Variants in UBLCP1 observed in about 807,000 individuals in gnomAD.
UBLCP1 encodes the protein ubiquitin like domain containing CTD phosphatase 1.
A neutral mutation model predicts 42.4 loss-of-function variants in UBLCP1; 28 were observed. The observed-to-expected ratio is 0.66, with a 90% CI of 0.49 to 0.90. The LOEUF is 0.90. Ranked by LOEUF, UBLCP1 falls within the 40% of genes least tolerant of loss-of-function variation. The probability of loss-of-function intolerance (pLI) is 0.00; values close to 1 mark genes in which losing one functional copy is unlikely to be tolerated. For synonymous variants in UBLCP1, 122 were observed against 120.8 expected, an observed-to-expected ratio of 1.01 and a Z score of -0.07; for missense variants, 279 against 374.5, an observed-to-expected ratio of 0.75 and a Z score of 2.10.
rs189705373 is a variant in UBLCP1 at position 159,285,538 on chromosome 5, A to T, written c.*607A>T. 6.6e-6 allele frequency: 1 copy of T among 151,654 alleles called. No homozygotes were observed. Among genetic ancestry groups the T allele is most frequent in the East Asian group, 1.9e-4 (1 of 5,344 alleles). The allele number at this position is 151,654 out of a possible 1,614,324, so 9.4% of individuals were successfully genotyped here. On this transcript the variant is annotated 3_prime_UTR_variant, in exon 11 of 11. Coordinates refer to ENST00000296786, the MANE Select transcript of UBLCP1 (RefSeq NM_145049.5). ...ACATTTCTAAATTCTGAGCGGTCTC[A>T]GTTAGGCCTGTATGTGTGTACATGT...
At position 159,270,391 on chromosome 5, in the gene UBLCP1, A is replaced by C. The variant is rs879528412; in HGVS notation, c.278A>C (p.Asp93Ala). Residue 93 changes from aspartate to alanine, a missense_variant, in exon 4 of 11, where the codon GAT becomes GCT. Asp to Ala is a moderately radical substitution (Grantham distance 126). Coordinates refer to ENST00000296786, the MANE Select transcript of UBLCP1 (RefSeq NM_145049.5). ...GTCTTAGGTCCACCCCCTGACAATG[A>C]TGATGTTGTTAATGACTTTGATATT... is the stretch of plus-strand genomic sequence containing the variant. ...EDVLGPPPDN[D>A]DVVNDFDIED... 4 of 1,613,510 alleles carry C rather than the reference A, an allele frequency of 2.5e-6. No homozygotes were observed. The highest frequency in any genetic ancestry group is 1.7e-5 in the Admixed American group (1 of 60,002).
intron 9 of UBLCP1, among the ~76,000 whole-genome samples, chr5:159,279,335 G>T (rs1036254105): frequency 2.0e-5 from 3 of 152,204 alleles, no homozygotes; most frequent in Non-Finnish European, 2.9e-5. Context: ...TATAAAATTG[G>T]TAAGAGTGAA....
chr5:159,272,129 G>C lies in UBLCP1; in HGVS notation c.547+8G>C. The C allele has an allele frequency of 2.5e-6, 4 of 1,605,546 alleles. No homozygotes were observed. The highest frequency in any genetic ancestry group is 3.4e-6 in the Non-Finnish European group (4 of 1,173,942). The stretch of plus-strand genomic sequence containing the variant: ...ATGACATTGTTATTTGGTGTAAGCT[G>C]TATTTTTTTGTTTAGATTTCCGTGG... On this transcript the variant is annotated splice_region_variant and intron_variant, in intron 6 of 10. Coordinates refer to ENST00000296786, the MANE Select transcript of UBLCP1 (RefSeq NM_145049.5).
intron 8 of UBLCP1, among the ~76,000 whole-genome samples, chr5:159,277,635 T>C (rs1274565763): frequency 3.3e-5 from 5 of 152,208 alleles, no homozygotes; most frequent in African/African-American, 1.2e-4. Context: ...TAAGAAATTA[T>C]TTATTTGAAG....
At chr5:159,277,593 A>T (rs931717271) in intron 8 of UBLCP1, among the ~76,000 whole-genome samples, 1 of 152,188 alleles carries the variant, frequency 6.6e-6, no homozygotes, top group Non-Finnish European at 1.5e-5. Flanking sequence ...TCTTACAGAG[A>T]CTTTACACAA....
Position 159,283,231 on chromosome 5 carries a change from C to T in UBLCP1, c.821C>T (p.Ala274Val), listed in dbSNP as rs766001563. The change falls in exon 10 of 11, where the codon GCG (alanine) becomes GTG (valine). Residue 274 changes from alanine (A) to valine (V), a missense_variant. Physicochemically the swap from Ala to Val is moderately conservative, Grantham distance 64. Transcript: ENST00000296786. ...TAATAGATAAGGCCTTTTATGAAAG[C>T]GCACCTAAATCGTGATAAAGACAAA... ...NGLKIRPFMKAHLNRDKDKEL... is the reference protein window; with the variant it reads ...NGLKIRPFMKVHLNRDKDKEL... 2.0e-5 allele frequency: 32 copies of T among 1,603,512 alleles called. No homozygotes were observed. Among genetic ancestry groups the T allele is most frequent in the Admixed American group, 1.4e-4 (8 of 58,160 alleles).
intron 6 of UBLCP1, 91 bp downstream of exon 6, chr5:159,272,212 G>GA: frequency 4.0e-6 from 4 of 996,210 alleles, no homozygotes; most frequent in Non-Finnish European, 6.0e-6. Flanking sequence ...AATGACCTGT[G>GA]TTTAAATATG....
chr5:159,270,542 T>G lies in UBLCP1; in HGVS notation c.347T>G (p.Leu116Arg). ...VEVENREENL[L>R]KISRRVKEYK... is the part of the protein sequence containing the mutation. ...TTTTCCATTAGGGAAGAAAACCTAC[T>G]GAAAATTTCTCGCAGAGTGAAAGAG... The change falls in exon 5 of 11, where the codon CTG (leucine) becomes CGG (arginine). Residue 116 changes from leucine to arginine, a missense_variant. Transcript: ENST00000296786. 1 of 1,609,604 alleles carries G rather than the reference T, an allele frequency of 6.2e-7. No individual in the cohort carries two copies. The highest frequency in any genetic ancestry group is 8.5e-7 in the Non-Finnish European group (1 of 1,178,640).
Position 159,284,904 on chromosome 5 carries a change from A to G in UBLCP1, c.930A>G (p.Arg310=). The change falls in exon 11 of 11, where the codon AGA becomes AGG. Residue 310 remains arginine (R), a splice_region_variant and synonymous_variant. Coordinates refer to ENST00000296786, the MANE Select transcript of UBLCP1 (RefSeq NM_145049.5). ...FLDLNHKYWE[R]YLSKKQGQ Reference sequence around the variant, plus strand: ...GACATCTTTATTTTATTTCTTGCAGATATCTCTCAAAGAAGCAAGGACAGT... The same window carrying G: ...GACATCTTTATTTTATTTCTTGCAGGTATCTCTCAAAGAAGCAAGGACAGT... 1 of 1,613,034 alleles carries G rather than the reference A, an allele frequency of 6.2e-7. No homozygotes were observed. Among genetic ancestry groups the G allele is most frequent in the Non-Finnish European group, 8.5e-7 (1 of 1,179,414 alleles).
rs1413696417 is a variant in UBLCP1 at position 159,285,882 on chromosome 5, G to A, written c.*951G>A. On this transcript the variant is annotated 3_prime_UTR_variant, in exon 11 of 11. Coordinates refer to ENST00000296786, the MANE Select transcript of UBLCP1 (RefSeq NM_145049.5). ...TATATTATTTGCAATGCTTAAGCCT[G>A]CAGATACGTAATGTGACCACTGTTT... The A allele has an allele frequency of 1.3e-5, 2 of 152,700 alleles. No homozygotes were observed. The highest frequency in any genetic ancestry group is 2.9e-5 in the Non-Finnish European group (2 of 68,018). The allele number at this position is 152,700 out of a possible 1,614,324, so 9.5% of individuals were successfully genotyped here. A position where few individuals can be genotyped will look rare whatever the true frequency, so the allele number is the denominator to read the frequency against.
At chr5:159,274,780 T>G (rs1359849222) in intron 7 of UBLCP1, among the ~76,000 whole-genome samples, 158 bp downstream of exon 7, 1 of 152,202 alleles carries the variant, frequency 6.6e-6, no homozygotes, top group Non-Finnish European at 1.5e-5. Flanking sequence ...GTGTGTTTAA[T>G]AAGTGGATTG....
At chr5:159,275,839 G>T (rs1753529317) in intron 8 of UBLCP1, among the ~76,000 whole-genome samples, 3 of 152,164 alleles carry the variant, frequency 2.0e-5, no homozygotes, top group Admixed American at 2.0e-4. Context: ...GGCAGAGTAG[G>T]TGAGAAAAAT....
At chr5:159,267,179 A>C (rs1753408375) in intron 1 of UBLCP1, among the ~76,000 whole-genome samples, 1 of 152,190 alleles carries the variant, frequency 6.6e-6, no homozygotes, top group South Asian at 2.1e-4. Flanking sequence ...GGGAGGGTTT[A>C]CCTTGCAAAG....
intron 8 of UBLCP1, among the ~76,000 whole-genome samples, chr5:159,276,297 A>G (rs1416479799): frequency 6.6e-6 from 1 of 152,120 alleles, no homozygotes; most frequent in African/African-American, 2.4e-5. Flanking sequence ...CAACAAAATA[A>G]AGTAAAATAA....
At chr5:159,276,443 A>T (rs946830191) in intron 8 of UBLCP1, among the ~76,000 whole-genome samples, 1 of 152,256 alleles carries the variant, frequency 6.6e-6, no homozygotes, top group South Asian at 2.1e-4. Flanking sequence ...GAAATACTGC[A>T]TGTATCGAGA....
intron 9 of UBLCP1, among the ~76,000 whole-genome samples, chr5:159,282,520 C>T (rs1753620495): frequency 6.6e-6 from 1 of 152,100 alleles, no homozygotes; most frequent in South Asian, 2.1e-4. Flanking sequence ...GTATTCCTTA[C>T]TAATTGCAGT....
intron 1 of UBLCP1, among the ~76,000 whole-genome samples, chr5:159,264,748 C>T (rs772455710): frequency 1.3e-5 from 2 of 152,192 alleles, no homozygotes; most frequent in Non-Finnish European, 2.9e-5. Flanking sequence ...ACCCCAATTA[C>T]ATTTCTACCA....
rs70987962 is a variant in UBLCP1, at chr5:159,285,196, C to CCACACACACACACACACA, written c.*296_*313dup. On this transcript the variant is annotated 3_prime_UTR_variant, in exon 11 of 11. Coordinates refer to ENST00000296786, the MANE Select transcript of UBLCP1 (RefSeq NM_145049.5). ...GGTTACTGACCACCCCACCCTCCCA[C>CCACACACACACACACACA]CACACACACACACACACACACACAC... The CCACACACACACACACACA allele has an allele frequency of 4.0e-6, 1 of 251,432 alleles. No homozygotes were observed. The highest frequency in any genetic ancestry group is 3.3e-5 in the African/African-American group (1 of 30,668). 15.6% of individuals were successfully genotyped at this position (251,432 alleles called of 1,614,324 possible).
At chr5:159,269,864 C>A in intron 2 of UBLCP1, 44 bp from the exon 3 acceptor site, 2 of 1,464,782 alleles carry the variant, frequency 1.4e-6, no homozygotes, top group Non-Finnish European at 1.9e-6. Context: ...GTGAAACCAG[C>A]ACCTGAACTT....
Sources: allele counts gnomAD v4.1 joint callset (sites outside exome capture counted in the v4.1 genomes callset), GRCh38; gene constraint gnomAD v4.1.1; transcripts MANE v1.5; gene names NCBI Gene and HGNC (gene_info 2026-07-23, HGNC 2026-07-21).